Variants in MFHAS1 observed in about 807,000 individuals in gnomAD.
MFHAS1 encodes the protein malignant fibrous histiocytoma-amplified sequence 1.
In MFHAS1, 50 loss-of-function variants were observed where a neutral mutation model predicts 70.4. That is an observed-to-expected ratio of 0.71 (90% CI 0.57 to 0.90). The LOEUF (loss-of-function observed/expected upper bound fraction) is 0.90. MFHAS1 is among the 40% of genes least tolerant of loss of function. The pLI is 0.00. For missense variants in MFHAS1, 1,795 were observed against 1,347.6 expected (o/e 1.33, Z -5.20); for synonymous variants, 952 against 620.0 (o/e 1.54, Z -7.96).
intron 1 of MFHAS1, among the ~76,000 whole-genome samples, chr8:8,842,563 G>A (rs929771044): frequency 5.3e-5 from 8 of 152,158 alleles, no homozygotes; most frequent in Admixed American, 4.6e-4. Flanking sequence ...CAGGACGCAC[G>A]TGTAAATCGC....
At chr8:8,848,749 AAC>A (rs1306299101) in intron 1 of MFHAS1, among the ~76,000 whole-genome samples, 8 of 152,206 alleles carry the variant, frequency 5.3e-5, no homozygotes, top group African/African-American at 1.9e-4. Flanking sequence ...ACAAATGAAA[AAC>A]ACAGACTGCT....
intron 1 of MFHAS1, among the ~76,000 whole-genome samples, chr8:8,889,824 G>A (rs1809917516): frequency 6.6e-6 from 1 of 152,168 alleles, no homozygotes; most frequent in Non-Finnish European, 1.5e-5. Flanking sequence ...TGTTGTGACT[G>A]GAACCCATTT....
At chr8:8,860,529 C>G (rs1327208756) in intron 1 of MFHAS1, among the ~76,000 whole-genome samples, 2 of 152,216 alleles carry the variant, frequency 1.3e-5, no homozygotes, top group Non-Finnish European at 2.9e-5. Context: ...GTACCGGATT[C>G]TCTAGAATGT....
rs750325866 is a variant in MFHAS1, at chr8:8,891,466, C to T, written c.1593G>A (p.Val531=). The part of the protein sequence containing the change: ...HRVGARVPHA[V]VCIVGTHADL... ...CTGCGTGGGTGCCCACGATGCACAC[C>T]ACCGCGTGGGGCACTCTCGCCCCGA... Residue 531 remains valine (V), a synonymous_variant, in exon 1 of 3, where the codon GTG becomes GTA. Transcript: ENST00000276282. The surrounding 1 kb of genome is among the most constrained non-coding windows in gnomAD (Gnocchi z 5.4). The T allele has an allele frequency of 6.2e-6, 10 of 1,612,894 alleles. No homozygotes were observed. In the Admixed American group the frequency reaches 1.2e-4, roughly 19 times the overall value.
At chr8:8,804,394 T>C (rs1258898377) in intron 1 of MFHAS1, among the ~76,000 whole-genome samples, 2 of 152,022 alleles carry the variant, frequency 1.3e-5, no homozygotes, top group African/African-American at 4.8e-5. Context: ...TTCAATAAAA[T>C]AAAATAAACA....
At chr8:8,829,457 G>C (rs967860543) in intron 1 of MFHAS1, among the ~76,000 whole-genome samples, 1 of 152,212 alleles carries the variant, frequency 6.6e-6, no homozygotes. Flanking sequence ...TAGGTGGGTA[G>C]ATCACTTGAG....
intron 2 of MFHAS1, among the ~76,000 whole-genome samples, chr8:8,792,122 C>T (rs905750007): frequency 6.6e-6 from 1 of 152,130 alleles, no homozygotes; most frequent in Non-Finnish European, 1.5e-5. Flanking sequence ...CCTGTAGTCC[C>T]AGCTACTCGG....
intron 1 of MFHAS1, among the ~76,000 whole-genome samples, chr8:8,862,772 C>T (rs918168141): frequency 5.9e-5 from 9 of 152,062 alleles, no homozygotes; most frequent in Admixed American, 1.3e-4. Flanking sequence ...GTAACCAGTC[C>T]CACTGTGGTT....
Position 8,891,489 on chromosome 8 carries a change from C to G in MFHAS1, c.1570G>C (p.Gly524Arg), listed in dbSNP as rs760032458. 6.2e-7 allele frequency: 1 copy of G among 1,612,920 alleles called. No homozygotes were observed. Among genetic ancestry groups the G allele is most frequent in the Admixed American group, 1.7e-5 (1 of 60,004 alleles). ...ACCACCGCGTGGGGCACTCTCGCCC[C>G]GACCCGATGCAAGAAGGAGCCCACG... ...TTVGSFLHRVGARVPHAVVCI... is the reference protein window; with the variant it reads ...TTVGSFLHRVRARVPHAVVCI... Residue 524 changes from glycine to arginine, a missense_variant, in exon 1 of 3, where the codon GGG (glycine) becomes CGG (arginine). Coordinates refer to ENST00000276282, the MANE Select transcript of MFHAS1 (RefSeq NM_004225.3). The surrounding 1 kb of genome is among the most constrained non-coding windows in gnomAD (Gnocchi z 5.4).
chr8:8,793,293 G>T (rs1366426093), intron 2 of MFHAS1, among the ~76,000 whole-genome samples: 2 of 152,136 alleles, frequency 1.3e-5, no homozygotes, highest in South Asian at 2.1e-4. Context: ...TTTAAAAAAG[G>T]CCAATCAGGT....
At chr8:8,883,915 T>C (rs893839919) in intron 1 of MFHAS1, among the ~76,000 whole-genome samples, 2 of 151,780 alleles carry the variant, frequency 1.3e-5, no homozygotes, top group African/African-American at 2.4e-5. Context: ...TAAAAAATAC[T>C]GGTTGGGTAT....
intron 1 of MFHAS1, among the ~76,000 whole-genome samples, chr8:8,852,171 G>A (rs142381934): frequency 8.3e-4 from 127 of 152,252 alleles, no homozygotes; most frequent in African/African-American, 2.7e-3. Flanking sequence ...TGTCATTAGC[G>A]TGAGTACTTA....
At chr8:8,819,608 CAAAAAAA>C (rs201326485) in intron 1 of MFHAS1, among the ~76,000 whole-genome samples, 10 of 91,262 alleles carry the variant, frequency 1.1e-4, no homozygotes, top group Admixed American at 1.4e-4. Flanking sequence ...CAACTCAAAA[CAAAAAAA>C]AAAAAAAAAA....
At chr8:8,863,517 C>T (rs555741057) in intron 1 of MFHAS1, among the ~76,000 whole-genome samples, 4 of 152,290 alleles carry the variant, frequency 2.6e-5, no homozygotes, top group Admixed American at 1.3e-4. Flanking sequence ...TTTATTACCA[C>T]GTATGATCTT....
At chr8:8,832,062 G>GCACACACACACACA (rs59984727) in intron 1 of MFHAS1, among the ~76,000 whole-genome samples, 8 of 149,596 alleles carry the variant, frequency 5.3e-5, no homozygotes, top group African/African-American at 2.0e-4. Context: ...GCGCGCGCGC[G>GCACACACACACACA]CACACACACA....
chr8:8,820,670 C>A (rs1042190505), intron 1 of MFHAS1, among the ~76,000 whole-genome samples: 2 of 152,192 alleles, frequency 1.3e-5, no homozygotes, highest in Non-Finnish European at 2.9e-5. Context: ...ATCCTGTGGT[C>A]TTTCAGAGGC....
rs1810008191 is a variant in MFHAS1, at chr8:8,891,185, A to C, written c.1874T>G (p.Leu625Trp). The C allele has an allele frequency of 6.2e-7, 1 of 1,613,070 alleles. No individual in the cohort carries two copies. Among genetic ancestry groups the C allele is most frequent in the Non-Finnish European group, 8.5e-7 (1 of 1,180,036 alleles). The change falls in exon 1 of 3, where the codon TTG becomes TGG. Residue 625 changes from leucine to tryptophan, a missense_variant. Leu to Trp is a moderately conservative substitution (Grantham distance 61, BLOSUM62 -2). Coordinates refer to ENST00000276282, the MANE Select transcript of MFHAS1 (RefSeq NM_004225.3). This position sits in a 1 kb window ranked among gnomAD's most constrained non-coding sequence, Gnocchi z 5.4. The part of the protein sequence containing the change: ...NHRLQILSPV[L>W]PVSCRDPRHL... ...GCGCGGGTCCCTGCAGCTAACAGGC[A>C]ACACGGGGGAGAGGATCTGCAGCCG...
At position 8,785,879 on chromosome 8, in the gene MFHAS1, C is replaced by CTAAAA; in HGVS notation, c.*142_*143insTTTTA. 2.2e-6 allele frequency: 1 copy of CTAAAA among 452,642 alleles called. No individual in the cohort carries two copies. The highest frequency in any genetic ancestry group is 2.0e-5 in the African/African-American group (1 of 49,510). 28.0% of individuals were successfully genotyped at this position (452,642 alleles called of 1,614,324 possible). A position where few individuals can be genotyped will look rare whatever the true frequency, so the allele number is the denominator to read the frequency against. On this transcript the variant is annotated 3_prime_UTR_variant, in exon 3 of 3. Coordinates refer to ENST00000276282, the MANE Select transcript of MFHAS1 (RefSeq NM_004225.3). ...CCCTCCCCACCTCTTCCCCAGTCGT[C>CTAAAA]CAAAAAGCACCCTGCAAGCACGCGT...
chr8:8,881,120 C>A (rs556629038), intron 1 of MFHAS1, among the ~76,000 whole-genome samples: 3 of 152,258 alleles, frequency 2.0e-5, no homozygotes, highest in East Asian at 3.9e-4. Context: ...AGACTCTTTG[C>A]TTCTATAAAT....
Sources: allele counts gnomAD v4.1 joint callset (sites outside exome capture counted in the v4.1 genomes callset), GRCh38; gene constraint gnomAD v4.1.1; non-coding constraint Gnocchi (gnomAD v3.1); transcripts MANE v1.5; gene names NCBI Gene and HGNC (gene_info 2026-07-23, HGNC 2026-07-21).